The following XYLT1 variants were observed in gnomAD, a reference collection of about 807,000 sequenced individuals.
XYLT1 encodes the protein beta-D-xylosyltransferase 1.
XYLT1 carries 36 observed loss-of-function variants against 91.3 expected under a neutral mutation model. The ratio of observed to expected loss-of-function variants is 0.39; its 90% CI spans 0.30 to 0.52. The LOEUF (loss-of-function observed/expected upper bound fraction) is 0.52. Among genes scored for constraint, XYLT1 ranks in the 20% least tolerant of loss-of-function variants. The probability of loss-of-function intolerance (pLI) is 0.68; values close to 1 mark genes in which losing one functional copy is unlikely to be tolerated. For synonymous variants in XYLT1, 588 were observed against 532.0 expected (o/e 1.11, Z -1.45); for missense variants, 1,242 against 1,284.5 (o/e 0.97, Z 0.51).
intron 1 of XYLT1, among the ~76,000 whole-genome samples, chr16:17,381,812 C>A (rs2141884224): frequency 6.6e-6 from 1 of 152,240 alleles, no homozygotes; most frequent in South Asian, 2.1e-4. Context: ...GAAATTGATT[C>A]TAAATCCAAG....
chr16:17,256,357 G>A (rs569144438), intron 3 of XYLT1, among the ~76,000 whole-genome samples: 85 of 152,010 alleles, frequency 5.6e-4, no homozygotes, highest in Admixed American at 1.1e-3. Flanking sequence ...CCAGGGAATC[G>A]AATGAAGAGT....
chr16:17,239,494 GT>G (rs2033308313), intron 3 of XYLT1, among the ~76,000 whole-genome samples: 1 of 107,938 alleles, frequency 9.3e-6, no homozygotes, highest in African/African-American at 3.7e-5. Flanking sequence ...CACCCACCCA[GT>G]CCATCTATTC....
chr16:17,290,376 A>G (rs1363086111), intron 2 of XYLT1, among the ~76,000 whole-genome samples: 1 of 152,256 alleles, frequency 6.6e-6, no homozygotes, highest in Non-Finnish European at 1.5e-5. Context: ...GTTAAATTCT[A>G]TTTCCAAGAA....
chr16:17,304,930 C>T (rs1282830444), intron 2 of XYLT1, among the ~76,000 whole-genome samples: 1 of 152,124 alleles, frequency 6.6e-6, no homozygotes, highest in South Asian at 2.1e-4. Flanking sequence ...GCAAACTCAC[C>T]AAGATTGCAG....
At chr16:17,297,818 G>A (rs1407308674) in intron 2 of XYLT1, among the ~76,000 whole-genome samples, 6 of 152,074 alleles carry the variant, frequency 3.9e-5, no homozygotes, top group East Asian at 1.9e-4. Flanking sequence ...TCAGGAGATC[G>A]AGACCATCCT....
Position 17,324,018 on chromosome 16 carries a change from A to T in XYLT1, c.402+33994T>A, listed in dbSNP as rs532368281. ...CTCAAGCTATGGGAAGACATGTCACAACAGCTGGGTAGAAAGCTCATTTGT... is the reference window on the plus strand; with the variant it reads ...CTCAAGCTATGGGAAGACATGTCACTACAGCTGGGTAGAAAGCTCATTTGT... On this transcript the variant is annotated intron_variant, in intron 2 of 11. Coordinates refer to ENST00000261381, the MANE Select transcript of XYLT1 (RefSeq NM_022166.4). 9.2e-5 allele frequency among the ~76,000 whole-genome samples: 14 copies of T among 152,332 alleles called. No homozygotes were observed. The South Asian group carries it at 2.9e-3, about 32-fold the overall frequency.
intron 11 of XYLT1, among the ~76,000 whole-genome samples, chr16:17,110,820 C>T (rs1300965228): frequency 6.6e-6 from 1 of 152,148 alleles, no homozygotes; most frequent in Non-Finnish European, 1.5e-5. Flanking sequence ...TGATACTCTA[C>T]TGCTCAAGGC....
intron 3 of XYLT1, among the ~76,000 whole-genome samples, chr16:17,228,329 T>C (rs1189611785): frequency 6.6e-6 from 1 of 152,206 alleles, no homozygotes; most frequent in Non-Finnish European, 1.5e-5. Flanking sequence ...AACACAGCAT[T>C]CATATGATCC....
chr16:17,288,501 G>A (rs1049953475), intron 2 of XYLT1, among the ~76,000 whole-genome samples: 3 of 152,122 alleles, frequency 2.0e-5, no homozygotes, highest in African/African-American at 7.2e-5. Flanking sequence ...TGTACTGATG[G>A]TCCCAAGCAA....
At chr16:17,435,855 G>T (rs2036451807) in intron 1 of XYLT1, among the ~76,000 whole-genome samples, 1 of 152,186 alleles carries the variant, frequency 6.6e-6, no homozygotes, top group South Asian at 2.1e-4. Flanking sequence ...TACTATAGGA[G>T]GCATGAAGAA....
At chr16:17,286,332 T>C (rs116618112) in intron 2 of XYLT1, among the ~76,000 whole-genome samples, 231 of 152,202 alleles carry the variant, frequency 1.5e-3, no homozygotes, top group African/African-American at 5.3e-3. Context: ...TAAATAATCA[T>C]GGAAGGGGAT....
intron 1 of XYLT1, chr16:17,445,737 G>A (rs544900465): frequency 6.6e-6 from 1 of 152,374 alleles, no homozygotes; most frequent in Non-Finnish European, 1.5e-5. Flanking sequence ...AGAAACAGCT[G>A]TTTATAGTTT....
At chr16:17,374,309 C>T (rs1175849449) in intron 1 of XYLT1, among the ~76,000 whole-genome samples, 2 of 152,094 alleles carry the variant, frequency 1.3e-5, no homozygotes, top group Admixed American at 1.3e-4. Context: ...CAGGGAGTCC[C>T]TTTGGGTGCT....
At chr16:17,362,435 G>A (rs545046769) in intron 1 of XYLT1, among the ~76,000 whole-genome samples, 23 of 152,318 alleles carry the variant, frequency 1.5e-4, no homozygotes, top group African/African-American at 5.5e-4. Context: ...CAGGCACCAT[G>A]AGGGAGACAG....
At chr16:17,402,867 AAAGCTGG>A (rs1442265038) in intron 1 of XYLT1, among the ~76,000 whole-genome samples, 1 of 151,932 alleles carries the variant, frequency 6.6e-6, no homozygotes, top group Non-Finnish European at 1.5e-5. Flanking sequence ...AGCTTCCTGG[AAAGCTGG>A]AACTACAGGC....
chr16:17,321,368 T>TC, intron 2 of XYLT1, among the ~76,000 whole-genome samples: 2 of 127,038 alleles, frequency 1.6e-5, no homozygotes, highest in South Asian at 2.6e-4. Context: ...TTTTTTTTTT[T>TC]TTTTTTTTTG....
chr16:17,239,975 G>A (rs989548986), intron 3 of XYLT1, among the ~76,000 whole-genome samples: 3 of 152,194 alleles, frequency 2.0e-5, no homozygotes, highest in Admixed American at 2.0e-4. Flanking sequence ...ACCAGGTGGT[G>A]TAAGTAGTGA....
chr16:17,406,253 TATATG>T (rs2036031623), intron 1 of XYLT1, among the ~76,000 whole-genome samples: 2 of 152,236 alleles, frequency 1.3e-5, no homozygotes, highest in Non-Finnish European at 2.9e-5. Flanking sequence ...GAGCACCTAC[TATATG>T]ATGAGTGTTA....
intron 3 of XYLT1, among the ~76,000 whole-genome samples, chr16:17,252,738 C>T (rs983554757): frequency 6.6e-6 from 1 of 152,104 alleles, no homozygotes; most frequent in Non-Finnish European, 1.5e-5. Flanking sequence ...GGACAGAGAG[C>T]GTGAGGGACA....
Sources: gnomAD v4.1 joint callset for allele counts (sites outside exome capture counted in the v4.1 genomes callset) on GRCh38, gnomAD v4.1.1 for gene constraint, MANE v1.5 for transcripts, NCBI Gene and HGNC (gene_info 2026-07-23, HGNC 2026-07-21) for gene names.